The following TTYH2 variants were observed in gnomAD, a reference collection of about 807,000 sequenced individuals.
TTYH2 encodes tweety family member 2.
A neutral mutation model predicts 68.3 loss-of-function variants in TTYH2; 49 were observed. The observed-to-expected ratio is 0.72, with a 90% CI of 0.57 to 0.91. The LOEUF is 0.91. Ranked by LOEUF, TTYH2 falls within the 40% of genes least tolerant of loss-of-function variation. The pLI is 0.00. For synonymous variants in TTYH2, 272 were observed against 300.8 expected, an observed-to-expected ratio of 0.90 and a Z score of 0.99; for missense variants, 631 against 700.4, an observed-to-expected ratio of 0.90 and a Z score of 1.12.
At chr17:74,242,510 A>T (rs2050511922) in intron 4 of TTYH2, among the ~76,000 whole-genome samples, 1 of 152,132 alleles carries the variant, frequency 6.6e-6, no homozygotes, top group Admixed American at 6.5e-5. Context: ...CTCCTGCATC[A>T]GCCTCCCGAG....
chr17:74,251,442 C>T (rs1313223275), intron 10 of TTYH2, among the ~76,000 whole-genome samples: 1 of 152,044 alleles, frequency 6.6e-6, no homozygotes, highest in East Asian at 1.9e-4. Flanking sequence ...CGAGTTGGCA[C>T]ATCAGGGGCT....
At chr17:74,234,435 T>C in intron 3 of TTYH2, among the ~76,000 whole-genome samples, 1 of 152,224 alleles carries the variant, frequency 6.6e-6, no homozygotes, top group Non-Finnish European at 1.5e-5. Flanking sequence ...CTTTAAGGAA[T>C]TGGGGATGGT....
chr17:74,251,030 ATG>A (rs1419963372), intron 10 of TTYH2, among the ~76,000 whole-genome samples: 1 of 151,758 alleles, frequency 6.6e-6, no homozygotes, highest in Non-Finnish European at 1.5e-5. Context: ...AGATACAGCT[ATG>A]TGTGTGTGCA....
chr17:74,254,182 TA>T (rs111583451), intron 13 of TTYH2, among the ~76,000 whole-genome samples: 61,024 of 151,188 alleles, frequency 0.4, 12,825 homozygotes, highest in African/African-American at 0.5. Flanking sequence ...TTTATTTATT[TA>T]TTTATTTTTT....
intron 4 of TTYH2, among the ~76,000 whole-genome samples, chr17:74,238,658 G>A (rs1288301530): frequency 6.6e-6 from 1 of 152,008 alleles, no homozygotes; most frequent in African/African-American, 2.4e-5. Context: ...CCTGAGGTCG[G>A]GAGTCCGAGA....
intron 2 of TTYH2, among the ~76,000 whole-genome samples, chr17:74,225,734 A>G (rs2050323043): frequency 6.6e-6 from 1 of 152,130 alleles, no homozygotes. Context: ...TGGCTGCCTT[A>G]CCACCACCTC....
At chr17:74,255,780 C>T (rs2143786137) in intron 13 of TTYH2, among the ~76,000 whole-genome samples, 1 of 152,278 alleles carries the variant, frequency 6.6e-6, no homozygotes, top group East Asian at 1.9e-4. Flanking sequence ...AATGAAAGGC[C>T]AGAAGTCTGC....
In TTYH2 at chr17:74,214,653, GGT is replaced by G. The variant is rs1381462154; in HGVS notation, c.129+938_129+939del. Reference sequence around the variant, plus strand: ...GAATCTCCCAGCCCGTCTCAGGTCTGGTCACGCCTGCTCTGGCCCCGGGAGCC... The same window carrying G: ...GAATCTCCCAGCCCGTCTCAGGTCTGCACGCCTGCTCTGGCCCCGGGAGCC... On this transcript the variant is annotated intron_variant, in intron 1 of 13. Transcript: ENST00000269346. This position sits in a 1 kb window ranked among gnomAD's most constrained non-coding sequence, Gnocchi z 4.6. Among the ~76,000 whole-genome samples, 2 of 152,200 alleles carry G rather than the reference GGT, an allele frequency of 1.3e-5. No individual in the cohort carries two copies. Among genetic ancestry groups the G allele is most frequent in the African/African-American group, 4.8e-5 (2 of 41,452 alleles).
rs1598239150 is a variant in TTYH2 at position 74,260,910 on chromosome 17, A to G, written c.*701A>G. 6.5e-6 allele frequency: 1 copy of G among 152,892 alleles called. No individual in the cohort carries two copies. The highest frequency in any genetic ancestry group is 1.5e-5 in the Non-Finnish European group (1 of 68,324). 9.5% of individuals were successfully genotyped at this position (152,892 alleles called of 1,614,324 possible). A position where few individuals can be genotyped will look rare whatever the true frequency, so the allele number is the denominator to read the frequency against. The stretch of plus-strand genomic sequence containing the variant: ...CTGCCACATTCCGCCTGTCTCCCTA[A>G]CCCTCCATTGCCTCGCCTCTATTCC... On this transcript the variant is annotated 3_prime_UTR_variant, in exon 14 of 14. Transcript: ENST00000269346.
At chr17:74,218,663 C>T (rs1428871423) in intron 1 of TTYH2, among the ~76,000 whole-genome samples, 1 of 152,180 alleles carries the variant, frequency 6.6e-6, no homozygotes, top group African/African-American at 2.4e-5. Flanking sequence ...AGGGGCTCAG[C>T]GGCTGCCGAA....
chr17:74,216,118 A>T (rs549844203), intron 1 of TTYH2, among the ~76,000 whole-genome samples: 2 of 152,248 alleles, frequency 1.3e-5, no homozygotes, highest in Admixed American at 6.5e-5. Flanking sequence ...GTCCCATAGC[A>T]CATAACAGGA....
At position 74,253,217 on chromosome 17, in the gene TTYH2, C is replaced by T. The variant is rs1186885297; in HGVS notation, c.1396C>T (p.Leu466=). ...YSSGLGSQTS[L]QPPAQTISNA... Reference sequence around the variant, plus strand: ...CAGTGGCCTGGGAAGTCAGACCAGCCTGCAGCCCCCGGCCCAGACCATCTC... The same window carrying T: ...CAGTGGCCTGGGAAGTCAGACCAGCTTGCAGCCCCCGGCCCAGACCATCTC... Residue 466 remains leucine (L), a synonymous_variant, in exon 12 of 14, where the codon CTG becomes TTG. Coordinates refer to ENST00000269346, the MANE Select transcript of TTYH2 (RefSeq NM_032646.6). The T allele has an allele frequency of 6.2e-7, 1 of 1,613,278 alleles. No homozygotes were observed. The highest frequency in any genetic ancestry group is 8.5e-7 in the Non-Finnish European group (1 of 1,179,704).
intron 10 of TTYH2, 199 bp from the exon 11 acceptor site, chr17:74,252,035 T>C (rs752720790): frequency 1.7e-5 from 11 of 636,942 alleles, no homozygotes; most frequent in Admixed American, 1.5e-4. Context: ...AGCAAATGTT[T>C]CCAGCGTGAA....
chr17:74,248,995 T>C lies in TTYH2; in HGVS notation c.805-16T>C, dbSNP rs748441713. The C allele has an allele frequency of 6.2e-7, 1 of 1,614,030 alleles. No homozygotes were observed. The highest frequency in any genetic ancestry group is 8.5e-7 in the Non-Finnish European group (1 of 1,179,972). Reference sequence around the variant, plus strand: ...ACCTGATTTTCCTCCACCCCGTCCCTCTCTCCCTCACTCAGGCCACCAGTG... The same window carrying C: ...ACCTGATTTTCCTCCACCCCGTCCCCCTCTCCCTCACTCAGGCCACCAGTG... On this transcript the variant is annotated splice_polypyrimidine_tract_variant and intron_variant, in intron 6 of 13. Coordinates refer to ENST00000269346, the MANE Select transcript of TTYH2 (RefSeq NM_032646.6).
Position 74,222,770 on chromosome 17 carries a change from C to T in TTYH2, c.302+113C>T. ...AGCTACCTTGATGGAAAAGCTTGTC[C>T]CCAGATGAATGTTGTCCCTTTTTTT... is the stretch of plus-strand genomic sequence containing the variant. On this transcript the variant is annotated intron_variant, in intron 2 of 13. Transcript: ENST00000269346. The surrounding 1 kb of genome is among the most constrained non-coding windows in gnomAD (Gnocchi z 5.2). 1.5e-6 allele frequency: 2 copies of T among 1,294,170 alleles called. No homozygotes were observed. Among genetic ancestry groups the T allele is most frequent in the Non-Finnish European group, 2.1e-6 (2 of 974,754 alleles). 80.2% of individuals were successfully genotyped at this position (1,294,170 alleles called of 1,614,324 possible). A position where few individuals can be genotyped will look rare whatever the true frequency, so the allele number is the denominator to read the frequency against.
At chr17:74,236,435 T>G (rs2050443684) in intron 3 of TTYH2, among the ~76,000 whole-genome samples, 2 of 152,252 alleles carry the variant, frequency 1.3e-5, no homozygotes, top group Admixed American at 6.5e-5. Flanking sequence ...GCCAAAGTGC[T>G]GAAAGTTTTA....
chr17:74,222,056 C>T lies in TTYH2; in HGVS notation c.130-429C>T, dbSNP rs1026647231. The stretch of plus-strand genomic sequence containing the variant: ...GCCCGAGGCCTCTGGGTACTCTGGT[C>T]TTGGACGGTATCCCTCTCCTTGCCT... On this transcript the variant is annotated intron_variant, in intron 1 of 13. Transcript: ENST00000269346. This position sits in a 1 kb window ranked among gnomAD's most constrained non-coding sequence, Gnocchi z 5.2. Among the ~76,000 whole-genome samples the T allele has an allele frequency of 4.6e-5, 7 of 152,150 alleles. No homozygotes were observed. The highest frequency in any genetic ancestry group is 7.4e-5 in the Non-Finnish European group (5 of 68,024).
At chr17:74,233,741 C>T (rs371790620) in intron 3 of TTYH2, among the ~76,000 whole-genome samples, 1 of 152,196 alleles carries the variant, frequency 6.6e-6, no homozygotes, top group African/African-American at 2.4e-5. Context: ...GGCGGTGGTT[C>T]AGGGATCAGG....
At position 74,250,288 on chromosome 17, in the gene TTYH2, C is replaced by G. The variant is rs1047557621; in HGVS notation, c.1047C>G (p.Leu349=). Residue 349 remains leucine (L), a synonymous_variant, in exon 10 of 14, where the codon CTC becomes CTG. Coordinates refer to ENST00000269346, the MANE Select transcript of TTYH2 (RefSeq NM_032646.6). ...TAEEDLLAIQ[L]LLNSSESSLH... is the part of the protein sequence containing the mutation. Reference sequence around the variant, plus strand: ...AGGAAGACCTGCTTGCAATCCAGCTCCTGCTGAACTCCTCAGAGTCCAGCC... The same window carrying G: ...AGGAAGACCTGCTTGCAATCCAGCTGCTGCTGAACTCCTCAGAGTCCAGCC... The G allele has an allele frequency of 1.9e-6, 3 of 1,613,516 alleles. No individual in the cohort carries two copies. Among genetic ancestry groups the G allele is most frequent in the African/African-American group, 2.7e-5 (2 of 74,928 alleles).
Sources: gnomAD v4.1 joint callset for allele counts (sites outside exome capture counted in the v4.1 genomes callset) on GRCh38, gnomAD v4.1.1 for gene constraint, Gnocchi (gnomAD v3.1) non-coding constraint, MANE v1.5 for transcripts, NCBI Gene and HGNC (gene_info 2026-07-23, HGNC 2026-07-21) for gene names.